Variants in PGC observed in about 807,000 individuals in gnomAD.
The protein encoded by PGC is gastricsin.
In PGC, 31 loss-of-function variants were observed where a neutral mutation model predicts 45.9. That is an observed-to-expected ratio of 0.67 (90% confidence interval 0.51 to 0.91). PGC has a LOEUF of 0.91. Ranked by LOEUF, PGC falls within the 40% of genes least tolerant of loss-of-function variation. The pLI is 0.00. For synonymous variants in PGC, 192 were observed against 201.8 expected (o/e 0.95, Z 0.41); for missense variants, 477 against 493.2 (o/e 0.97, Z 0.31).
intron 5 of PGC, chr6:41,740,827 C>T: frequency 7.0e-7 from 1 of 1,428,006 alleles, no homozygotes; most frequent in Non-Finnish European, 9.1e-7. Context: ...GTCCCTTAGA[C>T]TGGGCCTCCC....
intron 5 of PGC, chr6:41,741,929 T>A: frequency 9.4e-7 from 1 of 1,066,134 alleles, no homozygotes; most frequent in Non-Finnish European, 1.4e-6. Context: ...CAGAAGGAAG[T>A]GAGCGAACTG....
intron 1 of PGC, among the ~76,000 whole-genome samples, chr6:41,747,056 G>T (rs1330371174): frequency 6.6e-6 from 1 of 152,196 alleles, no homozygotes; most frequent in Non-Finnish European, 1.5e-5. Context: ...ATGGGGGAAG[G>T]GATCGTGCTT....
chr6:41,741,071 T>A (rs1208982172), intron 5 of PGC: 1 of 1,537,098 alleles, frequency 6.5e-7, no homozygotes, highest in African/African-American at 1.4e-5. Context: ...TTCCTGCCTC[T>A]GGTAGACATG....
intron 6 of PGC, 77 bp downstream of exon 6, chr6:41,740,414 C>CTGTG (rs141886611): frequency 6.8e-7 from 1 of 1,464,506 alleles, no homozygotes; most frequent in Non-Finnish European, 9.2e-7. Flanking sequence ...CAGTGCCAGA[C>CTGTG]TGTGTGTGTG....
intron 8 of PGC, 138 bp from the exon 9 acceptor site, chr6:41,737,142 A>G (rs1771700503): frequency 2.6e-6 from 2 of 781,416 alleles, no homozygotes; most frequent in Admixed American, 2.9e-5. Flanking sequence ...TCATAGGCCA[A>G]CTGAGCCACC....
chr6:41,742,228 AGTC>A (rs1478650626), intron 5 of PGC, 59 bp downstream of exon 5: 1 of 1,459,758 alleles, frequency 6.9e-7, no homozygotes, highest in Non-Finnish European at 9.5e-7. Context: ...ACTGAGCCTC[AGTC>A]GTCCAGGGCG....
At chr6:41,743,443 G>C in intron 3 of PGC, 54 bp from the exon 4 acceptor site, 1 of 1,098,458 alleles carries the variant, frequency 9.1e-7, no homozygotes, top group Non-Finnish European at 1.4e-6. Flanking sequence ...GGGCTGCTCA[G>C]CTCTCAGGCC....
intron 3 of PGC, 112 bp from the exon 4 acceptor site, chr6:41,743,501 G>A (rs1266644599): frequency 1.4e-5 from 10 of 738,140 alleles, no homozygotes; most frequent in Non-Finnish European, 2.0e-5. Context: ...CTCACATCCT[G>A]GGACCTCAGC....
intron 7 of PGC, among the ~76,000 whole-genome samples, chr6:41,738,995 AAC>A (rs1771772920): frequency 1.3e-5 from 2 of 152,162 alleles, no homozygotes; most frequent in African/African-American, 4.8e-5. Flanking sequence ...AAAAAAGAAA[AAC>A]ACAGATCTGC....
intron 7 of PGC, among the ~76,000 whole-genome samples, chr6:41,739,196 T>C (rs1771776301): frequency 6.6e-6 from 1 of 152,216 alleles, no homozygotes; most frequent in Non-Finnish European, 1.5e-5. Context: ...CCAGTCATTT[T>C]GCTCTTATCC....
intron 5 of PGC, 80 bp downstream of exon 5, chr6:41,742,210 C>A: frequency 7.7e-7 from 1 of 1,303,228 alleles, no homozygotes; most frequent in Non-Finnish European, 1.1e-6. Flanking sequence ...AACCCCAAAG[C>A]ATTGAGCACT....
At chr6:41,740,804 A>T in intron 5 of PGC, 194 bp from the exon 6 acceptor site, 1 of 1,423,648 alleles carries the variant, frequency 7.0e-7, no homozygotes, top group Non-Finnish European at 9.1e-7. Flanking sequence ...GAGCTCCCTG[A>T]GGATGGGGCT....
At chr6:41,741,168 T>A in intron 5 of PGC, 1 of 1,535,420 alleles carries the variant, frequency 6.5e-7, no homozygotes, top group Non-Finnish European at 8.7e-7. Flanking sequence ...GGTAAGGATA[T>A]TCCATGTTTG....
Position 41,744,759 on chromosome 6 carries a change from C to G in PGC, c.109G>C (p.Gly37Arg), listed in dbSNP as rs763744823. Residue 37 changes from glycine to arginine, a missense_variant, in exon 2 of 9, where the codon GGC becomes CGC. Gly to Arg is a moderately radical substitution (Grantham distance 125). Transcript: ENST00000373025. The surrounding 1 kb of genome is among the most constrained non-coding windows in gnomAD (Gnocchi z 4.4). ...KSIRETMKEK[G>R]LLGEFLRTHK... ...GTCCTCAGGAACTCCCCCAGCAAGC[C>G]CTTCTCCTTCATGGTCTCACGGATA... 1.1e-5 allele frequency: 18 copies of G among 1,613,962 alleles called. No homozygotes were observed. The South Asian group carries it at 1.9e-4, about 17-fold the overall frequency.
chr6:41,740,029 AAG>A (rs1280284345), intron 6 of PGC, 83 bp from the exon 7 acceptor site: 2 of 1,236,056 alleles, frequency 1.6e-6, no homozygotes, highest in East Asian at 2.5e-5. Context: ...CTGTGGGACA[AAG>A]AGCTACAGCT....
intron 7 of PGC, among the ~76,000 whole-genome samples, chr6:41,739,369 C>T (rs989073226): frequency 2.0e-5 from 3 of 152,224 alleles, no homozygotes; most frequent in African/African-American, 4.8e-5. Context: ...CGTCCCAGGT[C>T]CCCCTGCCTC....
rs1382097142 is a variant in PGC at position 41,743,357 on chromosome 6, A to G, written c.361T>C (p.Ser121Pro). 3.1e-6 allele frequency: 5 copies of G among 1,613,970 alleles called. No individual in the cohort carries two copies. The South Asian group carries it at 3.3e-5, about 11-fold the overall frequency. Residue 121 changes from serine to proline, a missense_variant, in exon 4 of 9, where the codon TCC becomes CCC. Coordinates refer to ENST00000373025, the MANE Select transcript of PGC (RefSeq NM_002630.4). ...GTCTGCCCATTGGTGGAGTAGGTGGACGACTCGCTGGGGTTGAAGCGGGAG... is the reference window on the plus strand; with the variant it reads ...GTCTGCCCATTGGTGGAGTAGGTGGGCGACTCGCTGGGGTTGAAGCGGGAG... ...SHSRFNPSESSTYSTNGQTFS... is the reference protein window; with the variant it reads ...SHSRFNPSESPTYSTNGQTFS...
intron 7 of PGC, among the ~76,000 whole-genome samples, chr6:41,738,240 ATATATATATG>A (rs1771751397): frequency 1.8e-4 from 4 of 22,648 alleles, no homozygotes; most frequent in Admixed American, 1.4e-3. Flanking sequence ...ATATATATGT[ATATATATATG>A]CATATATATA....
Position 41,744,725 on chromosome 6 carries a change from T to C in PGC, c.143A>G (p.Tyr48Cys), listed in dbSNP as rs769788500. ...LLGEFLRTHK[Y>C]DPAWKYRFGD... is the part of the protein sequence containing the mutation. The stretch of plus-strand genomic sequence containing the variant: ...AAAGCGGTACTTCCAAGCAGGATCA[T>C]ACTTGTGGGTCCTCAGGAACTCCCC... The change falls in exon 2 of 9, where the codon TAT becomes TGT. Residue 48 changes from tyrosine to cysteine, a missense_variant. By Grantham distance (194) the Tyr-to-Cys change is radical. Transcript: ENST00000373025. The surrounding 1 kb of genome is among the most constrained non-coding windows in gnomAD (Gnocchi z 4.4). 4.3e-6 allele frequency: 7 copies of C among 1,614,108 alleles called. No homozygotes were observed. The highest frequency in any genetic ancestry group is 2.2e-5 in the South Asian group (2 of 91,080).
Sources: allele counts gnomAD v4.1 joint callset (sites outside exome capture counted in the v4.1 genomes callset), GRCh38; gene constraint gnomAD v4.1.1; non-coding constraint Gnocchi (gnomAD v3.1); transcripts MANE v1.5; gene names NCBI Gene and HGNC (gene_info 2026-07-23, HGNC 2026-07-21).